Variants in SRC observed in about 807,000 individuals in gnomAD.
The protein encoded by SRC is proto-oncogene tyrosine-protein kinase Src.
Under a neutral mutation model 62.9 loss-of-function variants are expected in SRC, and 13 were observed. The ratio of observed to expected loss-of-function variants is 0.21; its 90% confidence interval spans 0.13 to 0.33. SRC has a LOEUF of 0.33. Among genes scored for constraint, SRC ranks in the 10% least tolerant of loss-of-function variants. The pLI, the probability that SRC is intolerant of heterozygous loss-of-function variation, is 1.00. For synonymous variants in SRC, 302 were observed against 317.5 expected, an observed-to-expected ratio of 0.95 and a Z score of 0.52; for missense variants, 457 against 737.3, an observed-to-expected ratio of 0.62 and a Z score of 4.40.
rs1221989600 is a variant in SRC at position 37,403,182 on chromosome 20, C to T, written c.1414C>T (p.Arg472Cys). The T allele has an allele frequency of 5.2e-6, 8 of 1,545,252 alleles. No homozygotes were observed. Among genetic ancestry groups the T allele is most frequent in the Non-Finnish European group, 5.2e-6 (6 of 1,149,220 alleles). Residue 472 changes from arginine to cysteine, a missense_variant, in exon 14 of 14, where the codon CGC (arginine) becomes TGC (cysteine). Coordinates refer to ENST00000373578, the MANE Select transcript of SRC (RefSeq NM_198291.3). The surrounding 1 kb of genome is among the most constrained non-coding windows in gnomAD (Gnocchi z 7.1). ...GRVPYPGMVN[R>C]EVLDQVERGY... ...CGCTCTGCCCACAGGGATGGTGAAC[C>T]GCGAGGTGCTGGACCAGGTGGAGCG...
chr20:37,373,246 A>G (rs1162587480), intron 2 of SRC, among the ~76,000 whole-genome samples: 5 of 88,820 alleles, frequency 5.6e-5, no homozygotes, highest in Non-Finnish European at 8.1e-5. Flanking sequence ...ACATATGTAC[A>G]CACGCACACA....
rs1354429838 is a variant in SRC, at chr20:37,401,702, C to T, written c.1116+24C>T. The T allele has an allele frequency of 2.5e-6, 4 of 1,590,814 alleles. No individual in the cohort carries two copies. In the African/African-American group the frequency reaches 4.0e-5, roughly 16 times the overall value. On this transcript the variant is annotated intron_variant, in intron 11 of 13. Coordinates refer to ENST00000373578, the MANE Select transcript of SRC (RefSeq NM_198291.3). ...AGGTGAGTCAGCCCCTCCCGCCTCC[C>T]CACACCCTTGGTCCTCAAGCACCCA...
chr20:37,397,706 C>T lies in SRC; in HGVS notation c.711C>T (p.Ala237=), dbSNP rs146021995. 34 of 1,584,560 alleles carry T rather than the reference C, an allele frequency of 2.1e-5. No homozygotes were observed. The highest frequency in any genetic ancestry group is 1.2e-4 in the Admixed American group (7 of 57,970). ...QQLVAYYSKH[A]DGLCHRLTTV... ...CTCCTGCCTCCTCCTCAGAACACGC[C>T]GATGGCCTGTGCCACCGCCTCACCA... The change falls in exon 9 of 14, where the codon GCC becomes GCT. Residue 237 remains alanine (A), a synonymous_variant. Coordinates refer to ENST00000373578, the MANE Select transcript of SRC (RefSeq NM_198291.3). This position sits in a 1 kb window ranked among gnomAD's most constrained non-coding sequence, Gnocchi z 4.1.
In SRC at chr20:37,384,093, C is replaced by A; in HGVS notation, c.-4-57C>A. 6.3e-7 allele frequency: 1 copy of A among 1,581,620 alleles called. No homozygotes were observed. Among genetic ancestry groups the A allele is most frequent in the Admixed American group, 1.7e-5 (1 of 58,532 alleles). On this transcript the variant is annotated intron_variant, in intron 3 of 13. Coordinates refer to ENST00000373578, the MANE Select transcript of SRC (RefSeq NM_198291.3). The surrounding 1 kb of genome is among the most constrained non-coding windows in gnomAD (Gnocchi z 6.7). ...TCTGTGGAATGGGTGGGAGGGAGGC[C>A]GGCCAAGGGGCCCCGGCAGCCCTGC...
At position 37,384,450 on chromosome 20, in the gene SRC, C is replaced by G. The variant is rs1328177157; in HGVS notation, c.250+47C>G. On this transcript the variant is annotated intron_variant, in intron 4 of 13. Coordinates refer to ENST00000373578, the MANE Select transcript of SRC (RefSeq NM_198291.3). This position sits in a 1 kb window ranked among gnomAD's most constrained non-coding sequence, Gnocchi z 6.7. ...GGTCCTCGCCCACCTGGGGCCACGG[C>G]GGGGAGGCGGCGGGGCTGTGTGCCC... The G allele has an allele frequency of 1.6e-6, 2 of 1,212,926 alleles. No homozygotes were observed. Among genetic ancestry groups the G allele is most frequent in the African/African-American group, 3.3e-5 (2 of 60,836 alleles). The allele number at this position is 1,212,926 out of a possible 1,614,324, so 75.1% of individuals were successfully genotyped here.
intron 5 of SRC, among the ~76,000 whole-genome samples, chr20:37,391,769 G>A (rs978049504): frequency 3.0e-4 from 45 of 152,268 alleles, no homozygotes; most frequent in Admixed American, 2.0e-4. Flanking sequence ...CAGGAGAATC[G>A]CTTGAACCTG....
rs750611059 is a variant in SRC at position 37,397,754 on chromosome 20, G to A, written c.759G>A (p.Pro253=). The change falls in exon 9 of 14, where the codon CCG becomes CCA. Residue 253 remains proline (P), a synonymous_variant. Transcript: ENST00000373578. This position sits in a 1 kb window ranked among gnomAD's most constrained non-coding sequence, Gnocchi z 4.1. ...CCACCGTGTGCCCCACGTCCAAGCC[G>A]CAGACTCAGGGCCTGGCCAAGGATG... The part of the protein sequence containing the change: ...RLTTVCPTSK[P]QTQGLAKDAW... 5.6e-6 allele frequency: 9 copies of A among 1,610,352 alleles called. No homozygotes were observed. In the East Asian group the frequency reaches 1.1e-4, roughly 20 times the overall value.
intron 2 of SRC, among the ~76,000 whole-genome samples, chr20:37,380,750 CCA>C (rs2070353782): frequency 6.6e-6 from 1 of 152,158 alleles, no homozygotes; most frequent in African/African-American, 2.4e-5. Context: ...TGGGTGGACC[CCA>C]GTTTGTTGAC....
intron 2 of SRC, among the ~76,000 whole-genome samples, chr20:37,366,017 G>A (rs955276100): frequency 5.3e-5 from 8 of 152,034 alleles, no homozygotes; most frequent in East Asian, 1.9e-4. Flanking sequence ...TCATGGTTGC[G>A]TAGTATTCCA....
At position 37,365,066 on chromosome 20, in the gene SRC, C is replaced by T. The variant is rs2070040154; in HGVS notation, c.-246-138C>T. 2.0e-5 allele frequency: 3 copies of T among 152,324 alleles called. No homozygotes were observed. In the South Asian group the frequency reaches 6.2e-4, roughly 32 times the overall value. 9.4% of individuals were successfully genotyped at this position (152,324 alleles called of 1,614,324 possible). On this transcript the variant is annotated intron_variant, in intron 1 of 13. Transcript: ENST00000373578. ...CAGTGCACTGCCGTGTCCATAGTAA[C>T]AGATGAATGGCAAACAGGGACTGTG...
intron 2 of SRC, among the ~76,000 whole-genome samples, chr20:37,376,114 C>T (rs954594556): frequency 3.9e-5 from 6 of 152,222 alleles, no homozygotes; most frequent in Non-Finnish European, 8.8e-5. Flanking sequence ...ATAGTGATAT[C>T]CTTGTCTTTT....
At chr20:37,347,878 T>C (rs758124697) in intron 1 of SRC, among the ~76,000 whole-genome samples, 6 of 152,164 alleles carry the variant, frequency 3.9e-5, no homozygotes, top group Non-Finnish European at 7.4e-5. Context: ...TGTCCCTGCA[T>C]CCCTCCAGTG....
At position 37,397,675 on chromosome 20, in the gene SRC, C is replaced by G; in HGVS notation, c.704-24C>G. ...GCCCCAGGGCAGAAGACCCGCCTAA[C>G]TGCTCCTCCTGCCTCCTCCTCAGAA... On this transcript the variant is annotated intron_variant, in intron 8 of 13. Coordinates refer to ENST00000373578, the MANE Select transcript of SRC (RefSeq NM_198291.3). The surrounding 1 kb of genome is among the most constrained non-coding windows in gnomAD (Gnocchi z 4.1). 2.0e-6 allele frequency: 3 copies of G among 1,538,342 alleles called. No homozygotes were observed. The highest frequency in any genetic ancestry group is 2.6e-6 in the Non-Finnish European group (3 of 1,139,438).
chr20:37,376,222 T>G (rs1403769168), intron 2 of SRC, among the ~76,000 whole-genome samples: 1 of 152,210 alleles, frequency 6.6e-6, no homozygotes, highest in Non-Finnish European at 1.5e-5. Flanking sequence ...GCATGGCACA[T>G]GTAGTAGGCA....
chr20:37,381,578 C>T lies in SRC; in HGVS notation c.-172-1041C>T, dbSNP rs543047722. On this transcript the variant is annotated intron_variant, in intron 2 of 13. Coordinates refer to ENST00000373578, the MANE Select transcript of SRC (RefSeq NM_198291.3). The stretch of plus-strand genomic sequence containing the variant: ...TAAACAAGTCCCCTGCTTTGGGGTC[C>T]TGAGGCAGGACCTGGCTAATTCGTC... 4.5e-4 allele frequency among the ~76,000 whole-genome samples: 69 copies of T among 152,242 alleles called. No homozygotes were observed. In the Middle Eastern group the frequency reaches 0.01, roughly 23 times the overall value.
At chr20:37,400,377 G>T (rs1601020737) in intron 10 of SRC, 83 bp downstream of exon 10, 1 of 1,291,690 alleles carries the variant, frequency 7.7e-7, no homozygotes, top group East Asian at 2.5e-5. Context: ...CTCATGTCTA[G>T]AATGGGCATC....
chr20:37,360,623 C>T (rs906971723), intron 1 of SRC, among the ~76,000 whole-genome samples: 7 of 152,118 alleles, frequency 4.6e-5, no homozygotes, highest in Admixed American at 1.3e-4. Flanking sequence ...CCCTCCTTGC[C>T]ATAAAGCGAG....
intron 3 of SRC, among the ~76,000 whole-genome samples, chr20:37,383,169 C>G (rs1298031282): frequency 6.6e-6 from 1 of 152,212 alleles, no homozygotes; most frequent in African/African-American, 2.4e-5. Flanking sequence ...CACATGTTAT[C>G]AAAGACAGAC....
At chr20:37,379,983 A>C (rs1423665487) in intron 2 of SRC, among the ~76,000 whole-genome samples, 1 of 150,946 alleles carries the variant, frequency 6.6e-6, no homozygotes, top group African/African-American at 2.4e-5. Context: ...AGAAAAAAGA[A>C]AAAGACCGAG....
Sources: gnomAD v4.1 joint callset for allele counts (sites outside exome capture counted in the v4.1 genomes callset) on GRCh38, gnomAD v4.1.1 for gene constraint, Gnocchi (gnomAD v3.1) non-coding constraint, MANE v1.5 for transcripts, NCBI Gene and HGNC (gene_info 2026-07-23, HGNC 2026-07-21) for gene names.